The following GATAD2B variants were observed in gnomAD, a reference collection of about 807,000 sequenced individuals.
GATAD2B encodes the protein transcriptional repressor p66-beta.
Under a neutral mutation model 64.3 loss-of-function variants are expected in GATAD2B, and 8 were observed. That is an observed-to-expected ratio of 0.12 (90% CI 0.07 to 0.22). GATAD2B has a LOEUF of 0.22. Ranked by LOEUF, GATAD2B falls within the 10% of genes least tolerant of loss-of-function variation. The pLI is 1.00. For missense variants in GATAD2B, 453 were observed against 752.0 expected (o/e 0.60, Z 4.65); for synonymous variants, 281 against 271.3 (o/e 1.04, Z -0.35).
chr1:153,888,043 C>T (rs1169480557), intron 1 of GATAD2B, among the ~76,000 whole-genome samples: 9 of 151,110 alleles, frequency 6.0e-5, no homozygotes, highest in South Asian at 4.2e-4. Context: ...GCTGAGATCG[C>T]GCCACTGCAC....
intron 1 of GATAD2B, chr1:153,914,825 G>C (rs1014312417): frequency 6.6e-6 from 1 of 152,302 alleles, no homozygotes; most frequent in African/African-American, 2.4e-5. Context: ...AACAACTCAG[G>C]AGGCTGAGGC....
chr1:153,857,149 T>C (rs1052177879), intron 1 of GATAD2B, among the ~76,000 whole-genome samples: 3 of 148,688 alleles, frequency 2.0e-5, no homozygotes, highest in African/African-American at 7.7e-5. Context: ...TATATATATA[T>C]ATATATATAA....
At chr1:153,838,084 G>A (rs1258919624) in intron 1 of GATAD2B, among the ~76,000 whole-genome samples, 1 of 152,192 alleles carries the variant, frequency 6.6e-6, no homozygotes, top group Non-Finnish European at 1.5e-5. Context: ...GGGAAGAGAT[G>A]TATCCCAACT....
chr1:153,912,651 T>C (rs1011834385), intron 1 of GATAD2B, among the ~76,000 whole-genome samples: 2 of 152,142 alleles, frequency 1.3e-5, no homozygotes, highest in African/African-American at 4.8e-5. Flanking sequence ...TGTTAAAGAG[T>C]GATTGGAAAA....
intron 1 of GATAD2B, among the ~76,000 whole-genome samples, chr1:153,851,824 A>G (rs1675907440): frequency 6.6e-6 from 1 of 152,120 alleles, no homozygotes; most frequent in East Asian, 1.9e-4. Flanking sequence ...GGGTAACACA[A>G]TGGCCACAGA....
chr1:153,858,727 T>C (rs749156295), intron 1 of GATAD2B, among the ~76,000 whole-genome samples: 2 of 151,966 alleles, frequency 1.3e-5, no homozygotes, highest in Non-Finnish European at 2.9e-5. Flanking sequence ...CAAGACCCTA[T>C]CTCCAAAAAA....
chr1:153,859,286 G>A (rs1676190330), intron 1 of GATAD2B, among the ~76,000 whole-genome samples: 1 of 151,586 alleles, frequency 6.6e-6, no homozygotes, highest in Admixed American at 6.6e-5. Context: ...AGGATTGCTT[G>A]AGCCTGGGGG....
chr1:153,892,021 G>A (rs1209241776), intron 1 of GATAD2B, among the ~76,000 whole-genome samples: 1 of 151,658 alleles, frequency 6.6e-6, no homozygotes, highest in African/African-American at 2.4e-5. Flanking sequence ...AATTAGCCAG[G>A]CATGGCGGTG....
At chr1:153,874,081 G>A (rs777358976) in intron 1 of GATAD2B, among the ~76,000 whole-genome samples, 1 of 151,962 alleles carries the variant, frequency 6.6e-6, no homozygotes, top group Admixed American at 6.6e-5. Context: ...GGCCAACATG[G>A]TGAAATCCCA....
Position 153,816,378 on chromosome 1 carries a change from T to C in GATAD2B, c.1111A>G (p.Lys371Glu). 6.2e-7 allele frequency: 1 copy of C among 1,613,952 alleles called. No homozygotes were observed. The highest frequency in any genetic ancestry group is 8.5e-7 in the Non-Finnish European group (1 of 1,179,804). Residue 371 changes from lysine to glutamate, a missense_variant, in exon 7 of 11, where the codon AAA becomes GAA. Physicochemically the swap from Lys to Glu is moderately conservative, Grantham distance 56 (BLOSUM62 1). Around this residue, in one of 2 missense-constraint regions of GATAD2B, gnomAD observed 160 missense variants for 334.7 expected, o/e 0.48. Coordinates refer to ENST00000368655, the MANE Select transcript of GATAD2B (RefSeq NM_020699.4). This position sits in a 1 kb window ranked among gnomAD's most constrained non-coding sequence, Gnocchi z 4.9. The part of the protein sequence containing the change: ...EKTLLEIPPP[K>E]PPAPLLHFLP... ...AAATGAAGTAAGGGAGCAGGAGGTT[T>C]AGGGGGTGGGATCTCCAGGAGTGTC... is the stretch of plus-strand genomic sequence containing the variant.
intron 3 of GATAD2B, 90 bp from the exon 4 acceptor site, chr1:153,819,012 C>A: frequency 1.5e-6 from 2 of 1,296,602 alleles, no homozygotes; most frequent in Non-Finnish European, 1.1e-6. Flanking sequence ...AGCTCTGAAA[C>A]CTTCATCTTC....
chr1:153,880,887 T>C (rs887031714), intron 1 of GATAD2B, among the ~76,000 whole-genome samples: 4 of 152,044 alleles, frequency 2.6e-5, no homozygotes, highest in African/African-American at 9.7e-5. Flanking sequence ...TTACTACTTC[T>C]ACTAGGAACA....
intron 1 of GATAD2B, among the ~76,000 whole-genome samples, chr1:153,892,659 C>T (rs1677452366): frequency 1.4e-5 from 2 of 147,626 alleles, no homozygotes; most frequent in African/African-American, 5.0e-5. Flanking sequence ...ATGGGCCCAA[C>T]ATTAGACAGT....
intron 1 of GATAD2B, among the ~76,000 whole-genome samples, chr1:153,875,485 G>A (rs1253086771): frequency 1.3e-5 from 2 of 152,026 alleles, no homozygotes; most frequent in African/African-American, 4.8e-5. Flanking sequence ...TATACCATGC[G>A]GTTCTTACAA....
chr1:153,891,208 A>G (rs1447197117), intron 1 of GATAD2B, among the ~76,000 whole-genome samples: 1 of 151,304 alleles, frequency 6.6e-6, no homozygotes, highest in Non-Finnish European at 1.5e-5. Context: ...AAAAAAGGAA[A>G]AGAAAGGAAA....
chr1:153,900,233 T>C (rs1453506091), intron 1 of GATAD2B, among the ~76,000 whole-genome samples: 1 of 152,020 alleles, frequency 6.6e-6, no homozygotes, highest in Non-Finnish European at 1.5e-5. Flanking sequence ...CTGGCCAATA[T>C]GGTGAAACCC....
At chr1:153,910,956 A>T (rs981748754) in intron 1 of GATAD2B, among the ~76,000 whole-genome samples, 1 of 152,172 alleles carries the variant, frequency 6.6e-6, no homozygotes, top group African/African-American at 2.4e-5. Context: ...ATCGTAAATC[A>T]AAGAGCATCT....
intron 1 of GATAD2B, among the ~76,000 whole-genome samples, chr1:153,855,974 T>G (rs1676072377): frequency 1.3e-5 from 2 of 152,188 alleles, no homozygotes; most frequent in Non-Finnish European, 2.9e-5. Flanking sequence ...TGAGTCACCG[T>G]GCCCAGTCAG....
intron 1 of GATAD2B, among the ~76,000 whole-genome samples, chr1:153,869,256 C>A (rs993954672): frequency 3.4e-5 from 5 of 147,478 alleles, no homozygotes; most frequent in African/African-American, 1.3e-4. Flanking sequence ...AGTGCCACTG[C>A]ACTACAGCCC....
Sources: gnomAD v4.1 joint callset for allele counts (sites outside exome capture counted in the v4.1 genomes callset) on GRCh38, gnomAD v4.1.1 for gene constraint, gnomAD v4.1.1 regional missense constraint, Gnocchi (gnomAD v3.1) non-coding constraint, MANE v1.5 for transcripts, NCBI Gene and HGNC (gene_info 2026-07-23, HGNC 2026-07-21) for gene names.